Variants in PALLD observed in about 807,000 individuals in gnomAD.
PALLD encodes palladin, cytoskeletal associated protein.
PALLD carries 61 observed loss-of-function variants against 123.5 expected under a neutral mutation model. The observed-to-expected ratio is 0.49, with a 90% CI of 0.40 to 0.61. The LOEUF (loss-of-function observed/expected upper bound fraction) is 0.61, where lower values mean the gene tolerates loss of function less well. Ranked by LOEUF, PALLD falls within the 20% of genes least tolerant of loss-of-function variation. The pLI is 0.00. For missense variants in PALLD, 1,273 were observed against 1,377.0 expected, an observed-to-expected ratio of 0.92 and a Z score of 1.20; for synonymous variants, 465 against 496.4, an observed-to-expected ratio of 0.94 and a Z score of 0.84.
intron 10 of PALLD, among the ~76,000 whole-genome samples, chr4:168,833,830 C>A (rs796974443): frequency 1.1e-4 from 16 of 150,476 alleles, no homozygotes; most frequent in African/African-American, 3.9e-4. Flanking sequence ...TTGATTTTCC[C>A]CATGTCTGTT....
At chr4:168,804,506 G>T (rs1010012707) in intron 10 of PALLD, among the ~76,000 whole-genome samples, 1 of 152,230 alleles carries the variant, frequency 6.6e-6, no homozygotes, top group Admixed American at 6.5e-5. Flanking sequence ...GCCTCTGCCA[G>T]TATGTGATGT....
chr4:168,622,153 C>G (rs140356678), intron 2 of PALLD, among the ~76,000 whole-genome samples: 1 of 152,188 alleles, frequency 6.6e-6, no homozygotes, highest in African/African-American at 2.4e-5. Context: ...TGGGTCAAAA[C>G]ACACATACAC....
intron 2 of PALLD, among the ~76,000 whole-genome samples, chr4:168,523,266 G>A (rs75662009): frequency 0.016 from 2,348 of 149,436 alleles, 31 homozygotes; most frequent in Middle Eastern, 0.028. Flanking sequence ...GAAGGAGGAA[G>A]GGAGGAAGGA....
At chr4:168,855,214 C>CA (rs1345138566) in intron 10 of PALLD, among the ~76,000 whole-genome samples, 1 of 151,720 alleles carries the variant, frequency 6.6e-6, no homozygotes, top group Non-Finnish European at 1.5e-5. Flanking sequence ...CCTCAGCCTC[C>CA]AAAGTAGCTG....
chr4:168,855,576 G>A (rs565043507), intron 10 of PALLD, among the ~76,000 whole-genome samples: 1 of 152,260 alleles, frequency 6.6e-6, no homozygotes, highest in South Asian at 2.1e-4. Flanking sequence ...GTCTGTCTGT[G>A]CAGTGTGTGA....
intron 17 of PALLD, among the ~76,000 whole-genome samples, chr4:168,920,232 G>A (rs1761172789): frequency 6.6e-6 from 1 of 152,194 alleles, no homozygotes; most frequent in South Asian, 2.1e-4. Context: ...CAGAGCCTGA[G>A]TGTCTCAGAA....
chr4:168,848,499 T>C (rs1184891961), intron 10 of PALLD, among the ~76,000 whole-genome samples: 1 of 147,910 alleles, frequency 6.8e-6, no homozygotes, highest in Non-Finnish European at 1.5e-5. Context: ...AAAGAAGGCT[T>C]CTCACACCAC....
At chr4:168,835,565 C>G (rs1745037257) in intron 10 of PALLD, among the ~76,000 whole-genome samples, 1 of 151,942 alleles carries the variant, frequency 6.6e-6, no homozygotes, top group African/African-American at 2.4e-5. Context: ...GTGTTTAGCC[C>G]TAGATCTCTT....
intron 6 of PALLD, among the ~76,000 whole-genome samples, chr4:168,687,938 A>G (rs1176291670): frequency 6.6e-6 from 1 of 152,034 alleles, no homozygotes; most frequent in African/African-American, 2.4e-5. Flanking sequence ...CAGAGCCACT[A>G]GAAGCTCAGA....
chr4:168,754,811 A>C (rs573006935), intron 10 of PALLD, among the ~76,000 whole-genome samples: 10 of 152,368 alleles, frequency 6.6e-5, no homozygotes, highest in African/African-American at 2.4e-4. Context: ...TATTCCACAC[A>C]TGGGGATGGA....
At chr4:168,600,683 T>C (rs1451170303) in intron 2 of PALLD, among the ~76,000 whole-genome samples, 2 of 152,190 alleles carry the variant, frequency 1.3e-5, no homozygotes, top group Non-Finnish European at 2.9e-5. Context: ...GATGATTGAG[T>C]AATCAGAACC....
At chr4:168,893,887 C>T (rs976682554) in intron 11 of PALLD, among the ~76,000 whole-genome samples, 1 of 152,204 alleles carries the variant, frequency 6.6e-6, no homozygotes, top group African/African-American at 2.4e-5. Flanking sequence ...TCAATTGAGG[C>T]TGTTAGCTTT....
chr4:168,657,278 T>C (rs963918219), intron 2 of PALLD, among the ~76,000 whole-genome samples: 4 of 152,224 alleles, frequency 2.6e-5, no homozygotes, highest in African/African-American at 9.6e-5. Context: ...CTGACAGATG[T>C]TTAACTTTGT....
At chr4:168,527,515 T>C (rs189750311) in intron 2 of PALLD, among the ~76,000 whole-genome samples, 305 of 151,510 alleles carry the variant, frequency 2.0e-3, no homozygotes, top group Admixed American at 4.5e-3. Flanking sequence ...AGTAACCTCT[T>C]TGGGGTTCTG....
chr4:168,866,221 C>G (rs1379955045), intron 10 of PALLD, among the ~76,000 whole-genome samples: 1 of 152,182 alleles, frequency 6.6e-6, no homozygotes, highest in Non-Finnish European at 1.5e-5. Context: ...GCCAAGATGA[C>G]ACCACTTTAC....
intron 2 of PALLD, among the ~76,000 whole-genome samples, chr4:168,515,732 C>T (rs568996261): frequency 6.6e-6 from 1 of 152,274 alleles, no homozygotes; most frequent in East Asian, 1.9e-4. Flanking sequence ...AGAGTTTAAG[C>T]AAGTGAAAGT....
intron 2 of PALLD, among the ~76,000 whole-genome samples, chr4:168,557,992 C>A (rs1236943789): frequency 3.3e-5 from 5 of 152,158 alleles, no homozygotes; most frequent in Admixed American, 3.3e-4. Context: ...ATGGCTAAAA[C>A]CAGCTCTTTT....
chr4:168,909,387 C>T (rs1249349569), intron 15 of PALLD, among the ~76,000 whole-genome samples: 2 of 152,034 alleles, frequency 1.3e-5, no homozygotes, highest in African/African-American at 2.4e-5. Context: ...AATAATTGGC[C>T]TTGCACAAGG....
chr4:168,812,568 C>T (rs955538245), intron 10 of PALLD, among the ~76,000 whole-genome samples: 1 of 152,190 alleles, frequency 6.6e-6, no homozygotes, highest in Non-Finnish European at 1.5e-5. Context: ...AATGCGTTTC[C>T]AGCACATCGC....
Sources: allele counts gnomAD v4.1 joint callset (sites outside exome capture counted in the v4.1 genomes callset), GRCh38; gene constraint gnomAD v4.1.1; transcripts MANE v1.5; gene names NCBI Gene and HGNC (gene_info 2026-07-23, HGNC 2026-07-21).